Variants in RNASET2 observed in about 807,000 individuals in gnomAD.
RNASET2 encodes the protein ribonuclease 6.
RNASET2 carries 28 observed loss-of-function variants against 33.9 expected under a neutral mutation model. The ratio of observed to expected loss-of-function variants is 0.83; its 90% CI spans 0.61 to 1.13. The LOEUF (loss-of-function observed/expected upper bound fraction) is 1.13. Ranked by LOEUF, RNASET2 falls within the 50% of genes most tolerant of loss-of-function variation. The pLI is 0.00. For missense variants in RNASET2, 330 were observed against 319.9 expected (o/e 1.03, Z -0.24); for synonymous variants, 123 against 121.0 (o/e 1.02, Z -0.11).
At position 166,931,168 on chromosome 6, in the gene RNASET2, C is replaced by G. The variant is rs772148127; in HGVS notation, c.493-50G>C. 14 of 1,303,056 alleles carry G rather than the reference C, an allele frequency of 1.1e-5. No individual in the cohort carries two copies. The African/African-American group carries it at 1.8e-4, about 16-fold the overall frequency. 80.7% of individuals were successfully genotyped at this position (1,303,056 alleles called of 1,614,324 possible). A position where few individuals can be genotyped will look rare whatever the true frequency, so the allele number is the denominator to read the frequency against. On this transcript the variant is annotated intron_variant, in intron 7 of 8. Transcript: ENST00000508775. ...GAAATTAAACTTCAACAGAAAAGAT[C>G]TGACAGTTCTGGACTATCCTGAGCG...
rs1289428370 is a variant in RNASET2, at chr6:166,922,681, G to A, written c.*6907C>T. Among the ~76,000 whole-genome samples the A allele has an allele frequency of 1.3e-5, 2 of 152,230 alleles. No individual in the cohort carries two copies. The highest frequency in any genetic ancestry group is 3.8e-4 in the East Asian group (2 of 5,204). Reference sequence around the variant, plus strand: ...ATCTTGTACATGACTTTTGATGTATGTTGTTATCTTTGGGCCACTGCTGAC... The same window carrying A: ...ATCTTGTACATGACTTTTGATGTATATTGTTATCTTTGGGCCACTGCTGAC... On this transcript the variant is annotated 3_prime_UTR_variant, in exon 9 of 9. Transcript: ENST00000508775.
At chr6:166,934,508 T>C (rs1778521186) in intron 6 of RNASET2, 1 of 267,522 alleles carries the variant, frequency 3.7e-6, no homozygotes, top group African/African-American at 2.2e-5. Flanking sequence ...GTAAACTGCA[T>C]TTGGACAAAT....
In RNASET2 at chr6:166,924,248, C is replaced by G. The variant is rs1337926500; in HGVS notation, c.*5340G>C. Among the ~76,000 whole-genome samples, 2 of 152,064 alleles carry G rather than the reference C, an allele frequency of 1.3e-5. No homozygotes were observed. The highest frequency in any genetic ancestry group is 2.9e-5 in the Non-Finnish European group (2 of 67,992). On this transcript the variant is annotated 3_prime_UTR_variant, in exon 9 of 9. Coordinates refer to ENST00000508775, the MANE Select transcript of RNASET2 (RefSeq NM_003730.6). ...CCCGAGTAGCTGGGACTACAGGTGC[C>G]CGCCACCATGCCCGGCCAATTTTTG...
At chr6:166,947,911 A>G (rs181008285) in intron 3 of RNASET2, among the ~76,000 whole-genome samples, 1 of 152,338 alleles carries the variant, frequency 6.6e-6, no homozygotes, top group Admixed American at 6.5e-5. Context: ...AATAAATTTG[A>G]GTGTCTCTGA....
rs1778302807 is a variant in RNASET2, at chr6:166,926,295, T to C, written c.*3293A>G. Among the ~76,000 whole-genome samples, 1 of 151,518 alleles carries C rather than the reference T, an allele frequency of 6.6e-6. No individual in the cohort carries two copies. The highest frequency in any genetic ancestry group is 2.1e-4 in the South Asian group (1 of 4,794). ...GCTCACACCTATAATCCTAGCACTC[T>C]GGGAGGCTGAGGCAGGCAGATCACC... On this transcript the variant is annotated 3_prime_UTR_variant, in exon 9 of 9. Transcript: ENST00000508775.
chr6:166,941,165 G>T (rs1054660250), intron 5 of RNASET2, among the ~76,000 whole-genome samples: 7 of 152,136 alleles, frequency 4.6e-5, no homozygotes, highest in African/African-American at 1.7e-4. Flanking sequence ...TTTTCATTTA[G>T]AACCAGTTTT....
Position 166,928,777 on chromosome 6 carries a change from A to G in RNASET2, c.*811T>C, listed in dbSNP as rs1367519242. Reference sequence around the variant, plus strand: ...GGTGCAGCAGTCTGCCTGACGTGAGAGCCATGTCATCACATATCTAGAAGG... The same window carrying G: ...GGTGCAGCAGTCTGCCTGACGTGAGGGCCATGTCATCACATATCTAGAAGG... On this transcript the variant is annotated 3_prime_UTR_variant, in exon 9 of 9. Transcript: ENST00000508775. 1.3e-5 allele frequency among the ~76,000 whole-genome samples: 2 copies of G among 152,198 alleles called. No homozygotes were observed. The highest frequency in any genetic ancestry group is 2.9e-5 in the Non-Finnish European group (2 of 68,026).
intron 5 of RNASET2, among the ~76,000 whole-genome samples, chr6:166,939,704 C>G (rs951607021): frequency 6.6e-6 from 1 of 152,206 alleles, no homozygotes; most frequent in African/African-American, 2.4e-5. Flanking sequence ...AAAGGCAGGA[C>G]AGCTAATTAC....
chr6:166,941,693 T>G (rs1293389843), intron 5 of RNASET2, among the ~76,000 whole-genome samples: 1 of 152,218 alleles, frequency 6.6e-6, no homozygotes, highest in Non-Finnish European at 1.5e-5. Context: ...TTCAAAAGCT[T>G]TCTTCTAAAC....
intron 8 of RNASET2, among the ~76,000 whole-genome samples, chr6:166,930,437 C>T (rs1778392173): frequency 6.6e-6 from 1 of 151,978 alleles, no homozygotes; most frequent in African/African-American, 2.4e-5. Context: ...CAGGCCCATG[C>T]ACACACACAG....
intron 5 of RNASET2, among the ~76,000 whole-genome samples, chr6:166,939,833 G>A (rs1044507082): frequency 6.6e-6 from 1 of 152,250 alleles, no homozygotes; most frequent in African/African-American, 2.4e-5. Context: ...GGCTGCACGT[G>A]AACAGCAATT....
intron 2 of RNASET2, among the ~76,000 whole-genome samples, chr6:166,950,262 A>G (rs2128647088): frequency 6.6e-6 from 1 of 152,180 alleles, no homozygotes; most frequent in South Asian, 2.1e-4. Context: ...TCCCTATCTC[A>G]GAATGCCAGC....
intron 2 of RNASET2, among the ~76,000 whole-genome samples, chr6:166,951,910 G>A (rs933642180): frequency 7.9e-5 from 12 of 152,294 alleles, no homozygotes; most frequent in African/African-American, 2.4e-4. Flanking sequence ...TGTCCTCCCA[G>A]AAGATATATC....
intron 8 of RNASET2, 84 bp from the exon 9 acceptor site, chr6:166,929,875 T>C (rs2128643656): frequency 1.5e-6 from 2 of 1,367,420 alleles, no homozygotes; most frequent in East Asian, 4.6e-5. Flanking sequence ...TTTAGAACTT[T>C]TAGAAGATAA....
rs1430007925 is a variant in RNASET2, at chr6:166,929,347, A to G, written c.*241T>C. ...AGGGCACTGAAGAGTTTAATAGAGA[A>G]AAAAAAAAACAATCTGTGAGCTTTA... On this transcript the variant is annotated 3_prime_UTR_variant, in exon 9 of 9. Transcript: ENST00000508775. 2.6e-5 allele frequency among the ~76,000 whole-genome samples: 4 copies of G among 151,424 alleles called. No homozygotes were observed. In the East Asian group the frequency reaches 7.7e-4, roughly 29 times the overall value.
At position 166,949,300 on chromosome 6, in the gene RNASET2, G is replaced by A. The variant is rs141803603; in HGVS notation, c.148-675C>T. On this transcript the variant is annotated intron_variant, in intron 2 of 8. Transcript: ENST00000508775. ...GGGCAGATCATGAGGTCAGGAGATCGAGACCATCCTGGCCAACCTGTGAAA... is the reference window on the plus strand; with the variant it reads ...GGGCAGATCATGAGGTCAGGAGATCAAGACCATCCTGGCCAACCTGTGAAA... Among the ~76,000 whole-genome samples, 1,454 of 149,222 alleles carry A rather than the reference G, an allele frequency of 9.7e-3. 25 individuals are homozygous for A. Among genetic ancestry groups the A allele is most frequent in the African/African-American group, 0.033 (1,326 of 40,518 alleles).
At chr6:166,935,112 G>A (rs1166447702) in intron 6 of RNASET2, 2 of 152,074 alleles carry the variant, frequency 1.3e-5, no homozygotes, top group Non-Finnish European at 2.9e-5. Context: ...GGACCGAGAT[G>A]CCGGACCAGG....
chr6:166,956,359 T>G lies in RNASET2; in HGVS notation c.-177A>C. On this transcript the variant is annotated 5_prime_UTR_variant, in exon 1 of 9. Transcript: ENST00000508775. The stretch of plus-strand genomic sequence containing the variant: ...GGAGCCCTGGGACGGCCTAAACCAG[T>G]ATCTCGCGGGCCCCGCGCCGGGCTC... 2 of 592,722 alleles carry G rather than the reference T, an allele frequency of 3.4e-6. No individual in the cohort carries two copies. The highest frequency in any genetic ancestry group is 3.0e-6 in the Non-Finnish European group (1 of 334,608). 36.7% of individuals were successfully genotyped at this position (592,722 alleles called of 1,614,324 possible).
chr6:166,946,180 G>A (rs1298684796), intron 4 of RNASET2, among the ~76,000 whole-genome samples: 1 of 152,322 alleles, frequency 6.6e-6, no homozygotes, highest in African/African-American at 2.4e-5. Flanking sequence ...CTTTAATCAA[G>A]CTCTTGTACT....
Sources: gnomAD v4.1 joint callset for allele counts (sites outside exome capture counted in the v4.1 genomes callset) on GRCh38, gnomAD v4.1.1 for gene constraint, MANE v1.5 for transcripts, NCBI Gene and HGNC (gene_info 2026-07-23, HGNC 2026-07-21) for gene names.